The following NRXN1 variants were observed in gnomAD, a reference collection of about 807,000 sequenced individuals.
NRXN1 encodes the protein neurexin-1.
NRXN1 carries 39 observed loss-of-function variants against 150.9 expected under a neutral mutation model. The observed-to-expected ratio is 0.26, with a 90% CI of 0.20 to 0.34. NRXN1 has a LOEUF of 0.34. Among genes scored for constraint, NRXN1 ranks in the 10% least tolerant of loss-of-function variants. The pLI, the probability that NRXN1 is intolerant of heterozygous loss-of-function variation, is 1.00. For missense variants in NRXN1, 1,815 were observed against 1,949.9 expected (o/e 0.93, Z 1.30); for synonymous variants, 924 against 757.0 (o/e 1.22, Z -3.62).
At position 50,978,307 on chromosome 2, in the gene NRXN1, A is replaced by ATATAT. The variant is rs1558524554; in HGVS notation, c.772+49194_772+49195insATATA. 1.6e-4 allele frequency among the ~76,000 whole-genome samples: 13 copies of ATATAT among 79,260 alleles called. No individual in the cohort carries two copies. In the East Asian group the frequency reaches 3.1e-3, roughly 19 times the overall value. 52.0% of individuals were successfully genotyped at this position (79,260 alleles called of 152,430 possible). ...ATATATATATATATATATATATATA[A>ATATAT]AATATATATATTATAGATAGATTTG... On this transcript the variant is annotated intron_variant, in intron 2 of 22. Coordinates refer to ENST00000401669, the MANE Select transcript of NRXN1 (RefSeq NM_001330078.2).
At chr2:50,649,614 A>G (rs1441065039) in intron 5 of NRXN1, among the ~76,000 whole-genome samples, 1 of 151,974 alleles carries the variant, frequency 6.6e-6, no homozygotes, top group African/African-American at 2.4e-5. Flanking sequence ...GTTTCTGACA[A>G]TGATTTTTGT....
intron 5 of NRXN1, among the ~76,000 whole-genome samples, chr2:50,678,467 G>A (rs1199659641): frequency 6.6e-6 from 1 of 152,202 alleles, no homozygotes. Flanking sequence ...ACTCCTTTCT[G>A]AGTACGTGTA....
chr2:50,121,825 A>G (rs1365668477), intron 18 of NRXN1, among the ~76,000 whole-genome samples: 1 of 152,228 alleles, frequency 6.6e-6, no homozygotes, highest in African/African-American at 2.4e-5. Flanking sequence ...GCAAATCTAA[A>G]GTAAACCATA....
chr2:50,689,141 T>A (rs983735413), intron 5 of NRXN1, among the ~76,000 whole-genome samples: 4 of 152,174 alleles, frequency 2.6e-5, no homozygotes, highest in Non-Finnish European at 5.9e-5. Context: ...TTCAATTAAA[T>A]TTAATATATG....
chr2:50,268,581 A>G (rs2069170483), intron 17 of NRXN1, among the ~76,000 whole-genome samples: 1 of 152,162 alleles, frequency 6.6e-6, no homozygotes, highest in African/African-American at 2.4e-5. Context: ...CTTAAGGTTC[A>G]TTAGCCTGGG....
At chr2:50,503,095 G>A (rs2092035164) in intron 13 of NRXN1, among the ~76,000 whole-genome samples, 1 of 152,048 alleles carries the variant, frequency 6.6e-6, no homozygotes, top group Admixed American at 6.6e-5. Context: ...ATCACCTGAG[G>A]TCAAGAATTC....
intron 5 of NRXN1, among the ~76,000 whole-genome samples, chr2:50,754,088 A>T (rs545137886): frequency 6.6e-6 from 1 of 151,950 alleles, no homozygotes; most frequent in South Asian, 2.1e-4. Flanking sequence ...AGGAAAATGA[A>T]TAGGTGATTC....
rs563799980 is a variant in NRXN1, at chr2:50,418,860, C to G, written c.3364+46582G>C. ...ATCCATTAATCTACTCTGAGTATGTCTATTAACATGTTTAAAGGCATAAGT... is the reference window on the plus strand; with the variant it reads ...ATCCATTAATCTACTCTGAGTATGTGTATTAACATGTTTAAAGGCATAAGT... On this transcript the variant is annotated intron_variant, in intron 17 of 22. Coordinates refer to ENST00000401669, the MANE Select transcript of NRXN1 (RefSeq NM_001330078.2). Among the ~76,000 whole-genome samples the G allele has an allele frequency of 2.0e-5, 3 of 151,972 alleles. No individual in the cohort carries two copies. The East Asian group carries it at 5.8e-4, about 29-fold the overall frequency.
intron 17 of NRXN1, among the ~76,000 whole-genome samples, chr2:50,344,613 A>AT (rs1320085953): frequency 2.6e-5 from 4 of 152,184 alleles, no homozygotes; most frequent in Admixed American, 2.6e-4. Flanking sequence ...CTGATTTTTC[A>AT]TTCACATGCA....
rs866815656 is a variant in NRXN1 at position 50,219,943 on chromosome 2, T to A, written c.3546+16846A>T. Reference sequence around the variant, plus strand: ...CTCTCTATATTATATATATTATATATTATATATATAATATATATATTATAT... The same window carrying A: ...CTCTCTATATTATATATATTATATAATATATATATAATATATATATTATAT... On this transcript the variant is annotated intron_variant, in intron 18 of 22. Transcript: ENST00000401669. Among the ~76,000 whole-genome samples, 631 of 75,446 alleles carry A rather than the reference T, an allele frequency of 8.4e-3. 11 individuals carry two copies. Among genetic ancestry groups the A allele is most frequent in the African/African-American group, 0.048 (612 of 12,740 alleles). The allele number at this position is 75,446 out of a possible 152,430, so 49.5% of individuals were successfully genotyped here.
intron 17 of NRXN1, among the ~76,000 whole-genome samples, chr2:50,419,703 T>C (rs1572901150): frequency 6.6e-6 from 1 of 152,184 alleles, no homozygotes; most frequent in East Asian, 1.9e-4. Context: ...AAATTGGAAA[T>C]ACTTAAACTT....
At chr2:49,992,136 C>T (rs1372054887) in intron 21 of NRXN1, among the ~76,000 whole-genome samples, 1 of 152,074 alleles carries the variant, frequency 6.6e-6, no homozygotes, top group Non-Finnish European at 1.5e-5. Flanking sequence ...GAAGACGACA[C>T]AGGAGAAAAA....
chr2:50,978,287 T>TATATATATATAA (rs1394914872), intron 2 of NRXN1, among the ~76,000 whole-genome samples: 4 of 127,486 alleles, frequency 3.1e-5, no homozygotes, highest in African/African-American at 1.2e-4. Context: ...TATATATATA[T>TATATATATATAA]ATATATATAT....
At chr2:50,772,601 G>C (rs1021371763) in intron 5 of NRXN1, among the ~76,000 whole-genome samples, 2 of 151,674 alleles carry the variant, frequency 1.3e-5, no homozygotes, top group African/African-American at 4.8e-5. Context: ...GTGTTTTCTT[G>C]AGTCTTTGAG....
At chr2:50,748,391 C>T (rs1391954262) in intron 5 of NRXN1, among the ~76,000 whole-genome samples, 9 of 152,178 alleles carry the variant, frequency 5.9e-5, no homozygotes, top group Admixed American at 4.6e-4. Flanking sequence ...TTTCATTTAA[C>T]CTCAAAAGAA....
intron 12 of NRXN1, among the ~76,000 whole-genome samples, chr2:50,518,338 G>C (rs1474810699): frequency 1.3e-5 from 2 of 151,768 alleles, no homozygotes; most frequent in African/African-American, 2.4e-5. Flanking sequence ...TTTTCAAAAG[G>C]TCAATTCCAA....
intron 17 of NRXN1, among the ~76,000 whole-genome samples, chr2:50,434,320 G>A (rs1572957758): frequency 1.3e-5 from 2 of 151,904 alleles, no homozygotes; most frequent in South Asian, 4.2e-4. Context: ...CTGACCTCGT[G>A]ATCCGCCTAC....
intron 17 of NRXN1, among the ~76,000 whole-genome samples, chr2:50,310,599 C>A (rs1286010672): frequency 6.6e-6 from 1 of 152,060 alleles, no homozygotes; most frequent in Non-Finnish European, 1.5e-5. Flanking sequence ...TCAATTTAAA[C>A]ATTATTATTA....
intron 17 of NRXN1, among the ~76,000 whole-genome samples, chr2:50,358,223 G>A (rs1362149520): frequency 3.3e-5 from 5 of 152,128 alleles, no homozygotes; most frequent in Non-Finnish European, 7.4e-5. Flanking sequence ...GAACGTCAGC[G>A]AGACAGAACC....
Sources: gnomAD v4.1 joint callset for allele counts (sites outside exome capture counted in the v4.1 genomes callset) on GRCh38, gnomAD v4.1.1 for gene constraint, MANE v1.5 for transcripts, NCBI Gene and HGNC (gene_info 2026-07-23, HGNC 2026-07-21) for gene names.